The following ZHX3 variants were observed in gnomAD, a reference collection of about 807,000 sequenced individuals.
The protein encoded by ZHX3 is zinc fingers and homeoboxes 3.
ZHX3 carries 20 observed loss-of-function variants against 64.5 expected under a neutral mutation model. The ratio of observed to expected loss-of-function variants is 0.31; its 90% CI spans 0.22 to 0.45. The LOEUF (loss-of-function observed/expected upper bound fraction) is 0.45. Among genes scored for constraint, ZHX3 ranks in the 20% least tolerant of loss-of-function variants. The pLI is 1.00. For missense variants in ZHX3, 1,041 were observed against 1,195.8 expected, an observed-to-expected ratio of 0.87 and a Z score of 1.91; for synonymous variants, 423 against 461.6, an observed-to-expected ratio of 0.92 and a Z score of 1.07.
intron 3 of ZHX3, among the ~76,000 whole-genome samples, chr20:41,196,401 A>AT (rs1237104892): frequency 3.0e-5 from 1 of 33,810 alleles, no homozygotes; most frequent in African/African-American, 1.7e-4. Context: ...ATTTATATAT[A>AT]TTATATATTA....
In ZHX3 at chr20:41,228,379, C is replaced by T. The variant is rs1032240201; in HGVS notation, c.-150-23313G>A. On this transcript the variant is annotated intron_variant, in intron 2 of 3. Transcript: ENST00000683867. The surrounding 1 kb of genome is among the most constrained non-coding windows in gnomAD (Gnocchi z 4.6). Reference sequence around the variant, plus strand: ...AGCCTAGGTCTACTTCCTAAATCTTCATTTCACCTCTCACCATTTGTCTTA... The same window carrying T: ...AGCCTAGGTCTACTTCCTAAATCTTTATTTCACCTCTCACCATTTGTCTTA... Among the ~76,000 whole-genome samples, 3 of 152,212 alleles carry T rather than the reference C, an allele frequency of 2.0e-5. No individual in the cohort carries two copies. The highest frequency in any genetic ancestry group is 7.2e-5 in the African/African-American group (3 of 41,458).
Position 41,202,964 on chromosome 20 carries a change from C to A in ZHX3, c.1953G>T (p.Met651Ile). The change falls in exon 3 of 4, where the codon ATG becomes ATT. Residue 651 changes from methionine (M) to isoleucine (I), a missense_variant. Physicochemically the swap from Met to Ile is conservative, Grantham distance 10 (BLOSUM62 1). Coordinates refer to ENST00000683867, the MANE Select transcript of ZHX3 (RefSeq NM_001384317.1). The surrounding 1 kb of genome is among the most constrained non-coding windows in gnomAD (Gnocchi z 7.0). ...ELDRLRSETK[M>I]TRREIDSWFS... ...ACCAGCTATCAATTTCTCGTCGGGTCATTTTGGTTTCACTTCTCAGGCGGT... is the reference window on the plus strand; with the variant it reads ...ACCAGCTATCAATTTCTCGTCGGGTAATTTTGGTTTCACTTCTCAGGCGGT... 1 of 1,614,094 alleles carries A rather than the reference C, an allele frequency of 6.2e-7. No homozygotes were observed. Among genetic ancestry groups the A allele is most frequent in the South Asian group, 1.1e-5 (1 of 91,050 alleles).
chr20:41,196,241 T>C (rs536810394), intron 3 of ZHX3, among the ~76,000 whole-genome samples: 8 of 136,342 alleles, frequency 5.9e-5, no homozygotes, highest in African/African-American at 2.2e-4. Flanking sequence ...TTCTGTTTCA[T>C]ATGTTTTGGA....
chr20:41,301,114 A>T (rs1346431843), intron 1 of ZHX3, among the ~76,000 whole-genome samples: 1 of 152,226 alleles, frequency 6.6e-6, no homozygotes, highest in African/African-American at 2.4e-5. Context: ...GGCTACTCGC[A>T]GGAAGCCTGG....
At chr20:41,302,931 G>T (rs2044865517) in intron 1 of ZHX3, among the ~76,000 whole-genome samples, 1 of 152,234 alleles carries the variant, frequency 6.6e-6, no homozygotes, top group Admixed American at 6.5e-5. Flanking sequence ...GAATTAAAAT[G>T]GCAGCTGGAG....
At position 41,204,322 on chromosome 20, in the gene ZHX3, T is replaced by G. The variant is rs746488286; in HGVS notation, c.595A>C (p.Ile199Leu). The G allele has an allele frequency of 1.9e-6, 3 of 1,614,170 alleles. No homozygotes were observed. The highest frequency in any genetic ancestry group is 2.2e-5 in the South Asian group (2 of 91,088). Residue 199 changes from isoleucine (I) to leucine (L), a missense_variant, in exon 3 of 4, where the codon ATT becomes CTT. By Grantham distance (5) the Ile-to-Leu change is conservative. Around this residue, in one of 4 missense-constraint regions of ZHX3, gnomAD observed 358 missense variants for 369.1 expected, o/e 0.97. Transcript: ENST00000683867. The surrounding 1 kb of genome is among the most constrained non-coding windows in gnomAD (Gnocchi z 6.6). Reference sequence around the variant, plus strand: ...GGGACATTCTCCTTGAGTGTATGAATTTTTTTGGCTTCAGCTTTGCCTTTC... The same window carrying G: ...GGGACATTCTCCTTGAGTGTATGAAGTTTTTTGGCTTCAGCTTTGCCTTTC... ...IMKGKAEAKK[I>L]HTLKENVPSQ...
rs576594933 is a variant in ZHX3, at chr20:41,227,747, T to C, written c.-150-22681A>G. Among the ~76,000 whole-genome samples, 4 of 152,324 alleles carry C rather than the reference T, an allele frequency of 2.6e-5. No individual in the cohort carries two copies. In the South Asian group the frequency reaches 8.3e-4, roughly 32 times the overall value. On this transcript the variant is annotated intron_variant, in intron 2 of 3. Coordinates refer to ENST00000683867, the MANE Select transcript of ZHX3 (RefSeq NM_001384317.1). ...TCTGTTTTTAAACAAAAGGACTGCTTTAATGTTACATATTGGTTTGTTATT... is the reference window on the plus strand; with the variant it reads ...TCTGTTTTTAAACAAAAGGACTGCTCTAATGTTACATATTGGTTTGTTATT...
rs116436272 is a variant in ZHX3 at position 41,285,506 on chromosome 20, C to A, written c.-244-16423G>T. Among the ~76,000 whole-genome samples the A allele has an allele frequency of 3.6e-3, 543 of 152,334 alleles. 5 individuals carry two copies. Among genetic ancestry groups the A allele is most frequent in the African/African-American group, 0.012 (519 of 41,574 alleles). The stretch of plus-strand genomic sequence containing the variant: ...ATAAAATGAGGGAGCTGAACTAGTT[C>A]ATTAAAATCTCTTTTGTTTATAAAA... On this transcript the variant is annotated intron_variant, in intron 1 of 3. Coordinates refer to ENST00000683867, the MANE Select transcript of ZHX3 (RefSeq NM_001384317.1).
At chr20:41,264,417 G>A (rs1256828250) in intron 2 of ZHX3, among the ~76,000 whole-genome samples, 1 of 149,374 alleles carries the variant, frequency 6.7e-6, no homozygotes, top group Non-Finnish European at 1.5e-5. Context: ...AAGTTAGCCG[G>A]GCATGGTGGC....
At chr20:41,313,008 A>C (rs1394623911) in intron 1 of ZHX3, among the ~76,000 whole-genome samples, 1 of 152,134 alleles carries the variant, frequency 6.6e-6, no homozygotes, top group African/African-American at 2.4e-5. Flanking sequence ...GGGTAGGTGA[A>C]TTAGGAAGAT....
chr20:41,205,955 G>A (rs1014005656), intron 2 of ZHX3, among the ~76,000 whole-genome samples: 1 of 152,208 alleles, frequency 6.6e-6, no homozygotes, highest in African/African-American at 2.4e-5. Context: ...AGCTTCCAGA[G>A]GGAGGATCAG....
intron 1 of ZHX3, among the ~76,000 whole-genome samples, chr20:41,285,887 C>T (rs2146714073): frequency 6.6e-6 from 1 of 152,268 alleles, no homozygotes; most frequent in African/African-American, 2.4e-5. Context: ...TGAGATGATA[C>T]ATACAAAAGG....
At chr20:41,306,518 T>C (rs1410291558) in intron 1 of ZHX3, among the ~76,000 whole-genome samples, 1 of 152,244 alleles carries the variant, frequency 6.6e-6, no homozygotes, top group Non-Finnish European at 1.5e-5. Context: ...ATAGGTCCAC[T>C]AGACTGTGAG....
chr20:41,250,302 C>T (rs1225049466), intron 2 of ZHX3, among the ~76,000 whole-genome samples: 1 of 152,194 alleles, frequency 6.6e-6, no homozygotes, highest in East Asian at 1.9e-4. Context: ...CATGCTGCAT[C>T]TAAACACTGT....
intron 2 of ZHX3, among the ~76,000 whole-genome samples, chr20:41,206,606 G>A (rs1684787594): frequency 6.6e-6 from 1 of 152,056 alleles, no homozygotes; most frequent in Admixed American, 6.5e-5. Flanking sequence ...AGAGAAAAGA[G>A]AAAAAAGAAA....
intron 2 of ZHX3, among the ~76,000 whole-genome samples, chr20:41,206,952 C>T (rs1017032705): frequency 6.6e-6 from 1 of 152,150 alleles, no homozygotes; most frequent in South Asian, 2.1e-4. Flanking sequence ...GCGGATCTCT[C>T]GGCAGAAACT....
chr20:41,191,907 G>C (rs1391419302), intron 3 of ZHX3, among the ~76,000 whole-genome samples: 1 of 152,220 alleles, frequency 6.6e-6, no homozygotes, highest in Admixed American at 6.5e-5. Flanking sequence ...GAGCATGCCT[G>C]TCTTTGGACC....
chr20:41,300,368 A>T (rs568055376), intron 1 of ZHX3, among the ~76,000 whole-genome samples: 1 of 152,298 alleles, frequency 6.6e-6, no homozygotes, highest in Non-Finnish European at 1.5e-5. Flanking sequence ...AATATATTAT[A>T]CCAGAATTCC....
chr20:41,182,202 C>T lies in ZHX3; in HGVS notation c.*2989G>A, dbSNP rs577367805. 3.3e-5 allele frequency: 5 copies of T among 152,236 alleles called. No individual in the cohort carries two copies. The highest frequency in any genetic ancestry group is 1.9e-4 in the East Asian group (1 of 5,188). 9.4% of individuals were successfully genotyped at this position (152,236 alleles called of 1,614,324 possible). A position where few individuals can be genotyped will look rare whatever the true frequency, so the allele number is the denominator to read the frequency against. ...ACCCCATGTAAAAAACAAATGGGTA[C>T]AAGACATCAGCAACAAAAAAACACT... On this transcript the variant is annotated 3_prime_UTR_variant, in exon 4 of 4. Transcript: ENST00000683867. The surrounding 1 kb of genome is among the most constrained non-coding windows in gnomAD (Gnocchi z 6.1).
Sources: allele counts gnomAD v4.1 joint callset (sites outside exome capture counted in the v4.1 genomes callset), GRCh38; gene constraint gnomAD v4.1.1; regional missense constraint gnomAD v4.1.1; non-coding constraint Gnocchi (gnomAD v3.1); transcripts MANE v1.5; gene names NCBI Gene and HGNC (gene_info 2026-07-23, HGNC 2026-07-21).